CEP128: variants seen among roughly 807,000 people sequenced by gnomAD.
CEP128 encodes the protein centrosomal protein 128kDa.
CEP128 carries 132 observed loss-of-function variants against 156.7 expected under a neutral mutation model. The ratio of observed to expected loss-of-function variants is 0.84; its 90% CI spans 0.73 to 0.97. The LOEUF (loss-of-function observed/expected upper bound fraction) is 0.97, where lower values mean the gene tolerates loss of function less well. Among genes scored for constraint, CEP128 ranks in the 50% least tolerant of loss-of-function variants. CEP128 has a pLI of 0.00. For synonymous variants in CEP128, 469 were observed against 448.9 expected (o/e 1.04, Z -0.57); for missense variants, 1,252 against 1,281.9 (o/e 0.98, Z 0.36).
chr14:80,613,666 T>C (rs1166481331), intron 19 of CEP128, among the ~76,000 whole-genome samples: 1 of 152,150 alleles, frequency 6.6e-6, no homozygotes, highest in Non-Finnish European at 1.5e-5. Context: ...AAATGACGCT[T>C]TATAAGAGAT....
At chr14:80,511,929 G>C (rs1015032897) in intron 23 of CEP128, among the ~76,000 whole-genome samples, 1 of 151,940 alleles carries the variant, frequency 6.6e-6, no homozygotes, top group African/African-American at 2.4e-5. Flanking sequence ...TTCCCTTGCA[G>C]TCAGAGAAGA....
chr14:80,947,679 A>G (rs960720786), intron 2 of CEP128, among the ~76,000 whole-genome samples: 1 of 152,172 alleles, frequency 6.6e-6, no homozygotes, highest in Non-Finnish European at 1.5e-5. Flanking sequence ...AACAAAAGAA[A>G]AGAGATTCCC....
chr14:80,532,664 C>T (rs983126368), intron 21 of CEP128, among the ~76,000 whole-genome samples: 8 of 152,180 alleles, frequency 5.3e-5, no homozygotes, highest in African/African-American at 9.6e-5. Context: ...CAGAATTCTG[C>T]AGGGTGAATG....
chr14:80,761,114 CCAA>C (rs1899942181), intron 17 of CEP128, among the ~76,000 whole-genome samples: 3 of 151,896 alleles, frequency 2.0e-5, no homozygotes, highest in South Asian at 2.1e-4. Context: ...CGGTAATATA[CCAA>C]CAACAACAAA....
rs1886618983 is a variant in CEP128 at position 80,955,613 on chromosome 14, C to A, written c.-172+2565G>T. On this transcript the variant is annotated intron_variant, in intron 2 of 7. Transcript: ENST00000555529. ...CCGGGTCTCCTTTGGCCTGGGGTAA[C>A]CCGAGGTGCAGAGCTGAGAATGAGG... 2.5e-6 allele frequency: 4 copies of A among 1,598,304 alleles called. No homozygotes were observed. The South Asian group carries it at 3.3e-5, about 13-fold the overall frequency.
At chr14:80,627,789 G>C (rs1893795466) in intron 19 of CEP128, among the ~76,000 whole-genome samples, 1 of 141,024 alleles carries the variant, frequency 7.1e-6, no homozygotes, top group Non-Finnish European at 1.5e-5. Flanking sequence ...TTTTTAAAAA[G>C]CCTACTTAAT....
At chr14:80,716,028 A>G (rs1391487977) in intron 19 of CEP128, among the ~76,000 whole-genome samples, 2 of 152,186 alleles carry the variant, frequency 1.3e-5, no homozygotes, top group Admixed American at 6.5e-5. Flanking sequence ...AAGAGTGGAG[A>G]CAGAGAGACC....
At chr14:80,597,265 G>A (rs1892371085) in intron 19 of CEP128, among the ~76,000 whole-genome samples, 1 of 152,092 alleles carries the variant, frequency 6.6e-6, no homozygotes, top group South Asian at 2.1e-4. Context: ...TATTCCTATA[G>A]GTCCTGCTGA....
chr14:80,706,197 A>G (rs747506394), intron 19 of CEP128, among the ~76,000 whole-genome samples: 5 of 152,120 alleles, frequency 3.3e-5, no homozygotes, highest in Admixed American at 6.6e-5. Flanking sequence ...AAAAAGCAAG[A>G]CAAATGATTT....
At chr14:80,508,888 A>G (rs1011607985) in intron 23 of CEP128, among the ~76,000 whole-genome samples, 8 of 152,334 alleles carry the variant, frequency 5.3e-5, no homozygotes, top group South Asian at 4.1e-4. Flanking sequence ...GTGATAAAGA[A>G]CTACTGGAGA....
intron 19 of CEP128, among the ~76,000 whole-genome samples, chr14:80,659,060 T>C (rs946092803): frequency 2.0e-5 from 3 of 152,154 alleles, no homozygotes; most frequent in Non-Finnish European, 2.9e-5. Flanking sequence ...AGAAAGAGTA[T>C]TGTGACAAGT....
At chr14:80,487,338 T>C (rs1457751577), downstream of CEP128, among the ~76,000 whole-genome samples, 1 of 152,188 alleles carries the variant, frequency 6.6e-6, no homozygotes, top group Non-Finnish European at 1.5e-5. Context: ...ATCCTAAATA[T>C]ATATGCACCC....
chr14:80,619,252 A>G (rs1893359797), intron 19 of CEP128, among the ~76,000 whole-genome samples: 1 of 152,176 alleles, frequency 6.6e-6, no homozygotes, highest in Non-Finnish European at 1.5e-5. Context: ...ACTCAAGGAA[A>G]TGTTTATGAG....
At chr14:80,890,557 A>C (rs951143657) in intron 8 of CEP128, among the ~76,000 whole-genome samples, 2 of 152,148 alleles carry the variant, frequency 1.3e-5, no homozygotes, top group Non-Finnish European at 2.9e-5. Flanking sequence ...GTTCTCACTC[A>C]TAAGTAGGAG....
chr14:80,555,422 A>C (rs1890389311), intron 21 of CEP128, among the ~76,000 whole-genome samples: 1 of 152,080 alleles, frequency 6.6e-6, no homozygotes, highest in African/African-American at 2.4e-5. Flanking sequence ...TTCCTTCCTC[A>C]TTGTAGAAGA....
In CEP128 at chr14:80,660,785, C is replaced by CTA. The variant is rs3070041; in HGVS notation, c.2807-80364_2807-80363dup. On this transcript the variant is annotated intron_variant, in intron 19 of 24. Transcript: ENST00000555265. ...CATTCTCAAAGTCACATAGCAAGTGCTACACTGATTTGGCTATCTTAGCCA... is the reference window on the plus strand; with the variant it reads ...CATTCTCAAAGTCACATAGCAAGTGCTATACACTGATTTGGCTATCTTAGCCA... Among the ~76,000 whole-genome samples the CTA allele has an allele frequency of 1.1e-3, 164 of 152,256 alleles. 2 individuals carry two copies. The East Asian group carries it at 0.024, about 23-fold the overall frequency.
At chr14:80,573,958 T>C (rs770556845) in intron 20 of CEP128, among the ~76,000 whole-genome samples, 34 of 152,124 alleles carry the variant, frequency 2.2e-4, no homozygotes, top group Non-Finnish European at 3.7e-4. Context: ...GAAGAAGACA[T>C]AGAGATACGC....
chr14:80,602,580 G>A (rs995203013), intron 19 of CEP128, among the ~76,000 whole-genome samples: 10 of 152,078 alleles, frequency 6.6e-5, no homozygotes, highest in African/African-American at 2.4e-4. Context: ...GACCATCCTG[G>A]CTAACACCAT....
chr14:80,527,006 G>T (rs1209180066), intron 22 of CEP128, 24 bp from the exon 23 acceptor site: 1 of 1,067,890 alleles, frequency 9.4e-7, no homozygotes, highest in East Asian at 2.4e-5. Flanking sequence ...AAAGCAAAGG[G>T]TCTGAACTGG....
Sources: allele counts gnomAD v4.1 joint callset (sites outside exome capture counted in the v4.1 genomes callset), GRCh38; gene constraint gnomAD v4.1.1; transcripts MANE v1.5; gene names NCBI Gene and HGNC (gene_info 2026-07-23, HGNC 2026-07-21).